The following PTPRT variants were observed in gnomAD, a reference collection of about 807,000 sequenced individuals.
PTPRT encodes the protein receptor-type tyrosine-protein phosphatase T.
In PTPRT, 56 loss-of-function variants were observed where a neutral mutation model predicts 176.8. The ratio of observed to expected loss-of-function variants is 0.32; its 90% CI spans 0.26 to 0.40. The LOEUF (loss-of-function observed/expected upper bound fraction) is 0.40, where lower values mean the gene tolerates loss of function less well. PTPRT is among the 10% of genes least tolerant of loss of function. PTPRT has a pLI of 1.00. For synonymous variants in PTPRT, 783 were observed against 739.0 expected, an observed-to-expected ratio of 1.06 and a Z score of -0.96; for missense variants, 1,540 against 1,908.2, an observed-to-expected ratio of 0.81 and a Z score of 3.60.
chr20:42,603,669 G>T (rs962819771), intron 7 of PTPRT, among the ~76,000 whole-genome samples: 1 of 152,208 alleles, frequency 6.6e-6, no homozygotes, highest in Non-Finnish European at 1.5e-5. Flanking sequence ...ATCTCGATAA[G>T]AAGTGAAGAA....
At chr20:42,637,672 G>A (rs901771965) in intron 7 of PTPRT, among the ~76,000 whole-genome samples, 3 of 151,950 alleles carry the variant, frequency 2.0e-5, no homozygotes, top group African/African-American at 4.8e-5. Context: ...TTTATTTACC[G>A]ATTGTCAGCT....
chr20:42,370,620 G>T (rs1056354353), intron 9 of PTPRT, among the ~76,000 whole-genome samples: 16 of 152,198 alleles, frequency 1.1e-4, no homozygotes, highest in Admixed American at 2.0e-4. Flanking sequence ...TGGAGACAAT[G>T]ATGTCCCTTT....
chr20:43,140,802 A>G (rs900414699), intron 1 of PTPRT, among the ~76,000 whole-genome samples: 1 of 152,190 alleles, frequency 6.6e-6, no homozygotes, highest in African/African-American at 2.4e-5. Flanking sequence ...ATCTTTTACA[A>G]TGCTGAATCC....
intron 1 of PTPRT, among the ~76,000 whole-genome samples, chr20:43,163,722 G>A (rs1026846911): frequency 6.6e-6 from 1 of 152,120 alleles, no homozygotes; most frequent in Non-Finnish European, 1.5e-5. Flanking sequence ...TAGTTCCGTG[G>A]CTCCTGCACT....
At chr20:42,777,856 G>A (rs1326413904) in intron 4 of PTPRT, among the ~76,000 whole-genome samples, 3 of 152,198 alleles carry the variant, frequency 2.0e-5, no homozygotes, top group Admixed American at 6.5e-5. Context: ...TGTCCATATA[G>A]TTAAGTGAAA....
At chr20:42,508,102 T>G (rs1049722249) in intron 7 of PTPRT, among the ~76,000 whole-genome samples, 1 of 135,518 alleles carries the variant, frequency 7.4e-6, no homozygotes, top group African/African-American at 3.5e-5. Context: ...ATAAATGTTT[T>G]TAATAAAATC....
Position 42,080,755 on chromosome 20 carries a change from T to G in PTPRT, c.*124A>C, listed in dbSNP as rs1983242889. 5 of 936,074 alleles carry G rather than the reference T, an allele frequency of 5.3e-6. No homozygotes were observed. Among genetic ancestry groups the G allele is most frequent in the Admixed American group, 3.7e-5 (2 of 53,490 alleles). The allele number at this position is 936,074 out of a possible 1,614,324, so 58.0% of individuals were successfully genotyped here. A position where few individuals can be genotyped will look rare whatever the true frequency, so the allele number is the denominator to read the frequency against. ...CCCCCGTGGAACACAGGGCCACCAG[T>G]CTTCTCCTTGGAGTCAGGCAGGGTG... On this transcript the variant is annotated 3_prime_UTR_variant, in exon 31 of 31. Coordinates refer to ENST00000373187, the MANE Select transcript of PTPRT (RefSeq NM_007050.6).
rs926925717 is a variant in PTPRT, at chr20:42,080,225, C to T, written c.*654G>A. On this transcript the variant is annotated 3_prime_UTR_variant, in exon 31 of 31. Coordinates refer to ENST00000373187, the MANE Select transcript of PTPRT (RefSeq NM_007050.6). The stretch of plus-strand genomic sequence containing the variant: ...AAAAACTGCTGTGGACACAGCTGGC[C>T]GGCCAGTGAATGCTGGACGGTCAAG... 2.1e-5 allele frequency: 5 copies of T among 232,986 alleles called. No individual in the cohort carries two copies. The highest frequency in any genetic ancestry group is 5.6e-5 in the Admixed American group (1 of 17,778). The allele number at this position is 232,986 out of a possible 1,614,324, so 14.4% of individuals were successfully genotyped here.
chr20:43,173,209 T>C (rs895617231), intron 1 of PTPRT, among the ~76,000 whole-genome samples: 1 of 152,120 alleles, frequency 6.6e-6, no homozygotes, highest in Non-Finnish European at 1.5e-5. Flanking sequence ...GAAGGAAGAT[T>C]CAGCCAAGAA....
intron 7 of PTPRT, among the ~76,000 whole-genome samples, chr20:42,659,813 A>T (rs1386726184): frequency 6.6e-6 from 1 of 152,152 alleles, no homozygotes; most frequent in Non-Finnish European, 1.5e-5. Context: ...AATAAAAAAA[A>T]TTCAATTAAT....
At chr20:42,778,106 G>T (rs2077163023) in intron 4 of PTPRT, among the ~76,000 whole-genome samples, 1 of 152,198 alleles carries the variant, frequency 6.6e-6, no homozygotes, top group African/African-American at 2.4e-5. Context: ...GTTGTCAGGA[G>T]AATCCTGACT....
intron 17 of PTPRT, among the ~76,000 whole-genome samples, chr20:42,152,751 C>T (rs1445847615): frequency 6.6e-6 from 1 of 152,148 alleles, no homozygotes; most frequent in Non-Finnish European, 1.5e-5. Context: ...TGGCTGACTC[C>T]AGACCAGCAA....
intron 1 of PTPRT, among the ~76,000 whole-genome samples, chr20:43,034,389 C>T (rs946226567): frequency 3.3e-5 from 5 of 152,104 alleles, no homozygotes; most frequent in Admixed American, 6.5e-5. Flanking sequence ...CTGTTACCTG[C>T]CTGGTATGTG....
chr20:42,209,042 G>A (rs2055548884), intron 15 of PTPRT, among the ~76,000 whole-genome samples: 1 of 152,192 alleles, frequency 6.6e-6, no homozygotes, highest in Non-Finnish European at 1.5e-5. Flanking sequence ...GCTCCTGAAT[G>A]ACTACTGGGT....
At chr20:42,842,748 T>C (rs1236692761) in intron 2 of PTPRT, among the ~76,000 whole-genome samples, 2 of 152,202 alleles carry the variant, frequency 1.3e-5, no homozygotes, top group African/African-American at 4.8e-5. Context: ...TTCTTGAGGC[T>C]GAAAAGTCAA....
At chr20:42,312,804 T>C (rs927615680) in intron 12 of PTPRT, among the ~76,000 whole-genome samples, 2 of 6,100 alleles carry the variant, frequency 3.3e-4, no homozygotes. Context: ...GTGAGATCCT[T>C]TTTTTTTTTT....
intron 7 of PTPRT, among the ~76,000 whole-genome samples, chr20:42,636,876 G>C (rs1490650622): frequency 6.6e-6 from 1 of 152,016 alleles, no homozygotes. Context: ...AGCATGTGTG[G>C]ATCTGATGGC....
At chr20:42,266,471 G>C (rs2056840298) in intron 13 of PTPRT, among the ~76,000 whole-genome samples, 1 of 152,154 alleles carries the variant, frequency 6.6e-6, no homozygotes, top group African/African-American at 2.4e-5. Flanking sequence ...TTCTGCACTG[G>C]TGGGCCTGGG....
At chr20:42,637,325 A>C (rs931361752) in intron 7 of PTPRT, among the ~76,000 whole-genome samples, 1 of 152,126 alleles carries the variant, frequency 6.6e-6, no homozygotes, top group Non-Finnish European at 1.5e-5. Context: ...GCAAGGATCT[A>C]TGTGATCTGG....
Sources: gnomAD v4.1 joint callset for allele counts (sites outside exome capture counted in the v4.1 genomes callset) on GRCh38, gnomAD v4.1.1 for gene constraint, MANE v1.5 for transcripts, NCBI Gene and HGNC (gene_info 2026-07-23, HGNC 2026-07-21) for gene names.